The following RNLS variants were observed in gnomAD, a reference collection of about 807,000 sequenced individuals.
RNLS encodes renalase.
A neutral mutation model predicts 39.8 loss-of-function variants in RNLS; 39 were observed. The observed-to-expected ratio is 0.98, with a 90% CI of 0.76 to 1.28. The LOEUF is 1.28. Ranked by LOEUF, RNLS falls within the 50% of genes most tolerant of loss-of-function variation. RNLS has a pLI of 0.00. For missense variants in RNLS, 410 were observed against 413.3 expected, an observed-to-expected ratio of 0.99 and a Z score of 0.07; for synonymous variants, 147 against 150.7, an observed-to-expected ratio of 0.98 and a Z score of 0.18.
rs193102122 is a variant in RNLS, at chr10:88,353,422, G to A, written c.700+9130C>T. On this transcript the variant is annotated intron_variant, in intron 5 of 6. Coordinates refer to ENST00000331772, the MANE Select transcript of RNLS (RefSeq NM_001031709.3). ...TCTGGTATGTTGTGTCTTTGTTCTC[G>A]TTGGTTTCAAAGAACATCTTTATTT... Among the ~76,000 whole-genome samples the A allele has an allele frequency of 1.1e-4, 16 of 152,170 alleles. No individual in the cohort carries two copies. The South Asian group carries it at 1.9e-3, about 18-fold the overall frequency.
intron 3 of RNLS, 96 bp from the exon 4 acceptor site, chr10:88,573,157 A>C (rs1464160999): frequency 4.2e-6 from 5 of 1,195,676 alleles, no homozygotes; most frequent in Non-Finnish European, 5.9e-6. Context: ...TCAAGTGAAC[A>C]AAATGGCCAA....
At chr10:88,360,144 C>A (rs547631928) in intron 5 of RNLS, among the ~76,000 whole-genome samples, 1 of 152,208 alleles carries the variant, frequency 6.6e-6, no homozygotes, top group African/African-American at 2.4e-5. Context: ...TGTGACTCTA[C>A]TTGAAGATAA....
At chr10:88,394,257 A>G (rs1852406246) in intron 4 of RNLS, among the ~76,000 whole-genome samples, 1 of 152,178 alleles carries the variant, frequency 6.6e-6, no homozygotes, top group Admixed American at 6.5e-5. Context: ...TGAACAGGCA[A>G]CCTATAGCAT....
chr10:88,284,908 T>A lies in RNLS; in HGVS notation c.*446A>T. The A allele has an allele frequency of 1.0e-6, 1 of 985,868 alleles. No individual in the cohort carries two copies. Among genetic ancestry groups the A allele is most frequent in the Non-Finnish European group, 1.2e-6 (1 of 830,246 alleles). 61.1% of individuals were successfully genotyped at this position (985,868 alleles called of 1,614,324 possible). A position where few individuals can be genotyped will look rare whatever the true frequency, so the allele number is the denominator to read the frequency against. ...TTACCTACATTTTGGAAAAATCTTG[T>A]TTTGTATAATTTGCAAAAATATTGA... On this transcript the variant is annotated 3_prime_UTR_variant, in exon 7 of 7. Coordinates refer to ENST00000331772, the MANE Select transcript of RNLS (RefSeq NM_001031709.3).
At chr10:88,506,976 G>A (rs61852493) in intron 4 of RNLS, among the ~76,000 whole-genome samples, 507 of 152,042 alleles carry the variant, frequency 3.3e-3, no homozygotes, top group Non-Finnish European at 5.6e-3. Flanking sequence ...ATTAAAAAGT[G>A]ATGCACTTCC....
chr10:88,472,095 G>T (rs1174752426), intron 4 of RNLS, among the ~76,000 whole-genome samples: 1 of 152,206 alleles, frequency 6.6e-6, no homozygotes, highest in African/African-American at 2.4e-5. Flanking sequence ...CTGACCAAGG[G>T]CTAGTCCTGA....
At chr10:88,452,446 T>G (rs1420038914) in intron 4 of RNLS, among the ~76,000 whole-genome samples, 1 of 152,158 alleles carries the variant, frequency 6.6e-6, no homozygotes, top group Non-Finnish European at 1.5e-5. Context: ...GAGGTAACAT[T>G]TTAGGGAGAA....
rs574059416 is a variant in RNLS at position 88,378,246 on chromosome 10, A to C, written c.527-15521T>G. ...AGTCTAAGAAGTACACTCTAAAATA[A>C]TGATAAAAAATATGGTATTGGAGCT... On this transcript the variant is annotated intron_variant, in intron 4 of 6. Coordinates refer to ENST00000331772, the MANE Select transcript of RNLS (RefSeq NM_001031709.3). Among the ~76,000 whole-genome samples the C allele has an allele frequency of 1.1e-3, 165 of 152,282 alleles. 3 individuals carry two copies. In the South Asian group the frequency reaches 0.031, roughly 28 times the overall value.
intron 5 of RNLS, among the ~76,000 whole-genome samples, chr10:88,347,273 G>A (rs764222574): frequency 6.6e-6 from 1 of 152,132 alleles, no homozygotes; most frequent in South Asian, 2.1e-4. Context: ...AGTGTTGACA[G>A]CTTCACTTCA....
Position 88,285,214 on chromosome 10 carries a change from T to C in RNLS, c.*140A>G, listed in dbSNP as rs1843181228. 2.9e-6 allele frequency: 4 copies of C among 1,373,142 alleles called. No homozygotes were observed. Among genetic ancestry groups the C allele is most frequent in the Middle Eastern group, 2.4e-4 (1 of 4,128 alleles). 85.1% of individuals were successfully genotyped at this position (1,373,142 alleles called of 1,614,324 possible). ...TATCAAAATTACAAAATTGATTTTA[T>C]ACTCCACATGAAAAATGATAATAAG... On this transcript the variant is annotated 3_prime_UTR_variant, in exon 7 of 7. Transcript: ENST00000331772.
intron 4 of RNLS, among the ~76,000 whole-genome samples, chr10:88,544,048 T>C (rs1437746360): frequency 6.6e-6 from 1 of 152,196 alleles, no homozygotes; most frequent in African/African-American, 2.4e-5. Flanking sequence ...TTATAAGCTC[T>C]GTGACTTTGG....
intron 5 of RNLS, among the ~76,000 whole-genome samples, chr10:88,353,792 T>C (rs527637969): frequency 4.0e-4 from 61 of 152,350 alleles, no homozygotes; most frequent in African/African-American, 1.2e-3. Context: ...CGTTGATCTA[T>C]CTGATGTTGA....
At chr10:88,349,898 G>T (rs1324521943) in intron 5 of RNLS, among the ~76,000 whole-genome samples, 1 of 151,916 alleles carries the variant, frequency 6.6e-6, no homozygotes, top group Non-Finnish European at 1.5e-5. Context: ...TGCTTTAACA[G>T]ATTTATAGGG....
chr10:88,231,591 CAA>C, the RNLS span, among the ~76,000 whole-genome samples: 3 of 152,186 alleles, frequency 2.0e-5, no homozygotes, highest in Non-Finnish European at 4.4e-5. Context: ...TCTTGTACAG[CAA>C]CCAGCCAACA....
intron 3 of RNLS, among the ~76,000 whole-genome samples, chr10:88,576,238 T>C (rs576348495): frequency 4.5e-4 from 69 of 152,344 alleles, no homozygotes; most frequent in Non-Finnish European, 8.4e-4. Context: ...CTTCCCACTA[T>C]ACTCTACATT....
At chr10:88,513,520 A>G (rs1381194186) in intron 4 of RNLS, among the ~76,000 whole-genome samples, 1 of 152,152 alleles carries the variant, frequency 6.6e-6, no homozygotes, top group Non-Finnish European at 1.5e-5. Flanking sequence ...CTTACCATAT[A>G]CCTAATCATC....
At chr10:88,467,939 G>A (rs1843305471) in intron 4 of RNLS, among the ~76,000 whole-genome samples, 1 of 152,188 alleles carries the variant, frequency 6.6e-6, no homozygotes, top group Non-Finnish European at 1.5e-5. Flanking sequence ...TACACTTTGG[G>A]AAGCATTGCC....
chr10:88,262,702 C>G, the RNLS span, among the ~76,000 whole-genome samples: 1 of 152,162 alleles, frequency 6.6e-6, no homozygotes, highest in African/African-American at 2.4e-5. Flanking sequence ...ATATACTGTA[C>G]TTTACATCAC....
intron 5 of RNLS, chr10:88,343,645 A>G (rs1311322030): frequency 1.0e-6 from 1 of 985,214 alleles, no homozygotes; most frequent in Admixed American, 6.2e-5. Context: ...AATTCCATAG[A>G]TTCTGTCCAT....
Sources: allele counts gnomAD v4.1 joint callset (sites outside exome capture counted in the v4.1 genomes callset), GRCh38; gene constraint gnomAD v4.1.1; transcripts MANE v1.5; gene names NCBI Gene and HGNC (gene_info 2026-07-23, HGNC 2026-07-21).